Variants in SEL1L2 observed in about 807,000 individuals in gnomAD.
The protein encoded by SEL1L2 is SEL1L2 adaptor subunit of SYVN1 ubiquitin ligase.
A neutral mutation model predicts 98.8 loss-of-function variants in SEL1L2; 89 were observed. The ratio of observed to expected loss-of-function variants is 0.90; its 90% CI spans 0.76 to 1.07. The LOEUF is 1.07. SEL1L2 is among the 50% of genes least tolerant of loss of function. The pLI, the probability that SEL1L2 is intolerant of heterozygous loss-of-function variation, is 0.00. For missense variants in SEL1L2, 788 were observed against 812.0 expected, an observed-to-expected ratio of 0.97 and a Z score of 0.36; for synonymous variants, 262 against 278.5, an observed-to-expected ratio of 0.94 and a Z score of 0.59.
At chr20:13,989,751 T>C (rs2052447728) in intron 1 of SEL1L2, among the ~76,000 whole-genome samples, 1 of 152,250 alleles carries the variant, frequency 6.6e-6, no homozygotes, top group African/African-American at 2.4e-5. Context: ...GATGTGATTG[T>C]TACATTGATT....
intron 5 of SEL1L2, among the ~76,000 whole-genome samples, chr20:13,906,319 A>G (rs1311865608): frequency 6.6e-6 from 1 of 152,226 alleles, no homozygotes; most frequent in Non-Finnish European, 1.5e-5. Context: ...GTTCCATAAT[A>G]ACAATTTAAA....
At chr20:13,878,574 A>G (rs1016659274) in intron 10 of SEL1L2, among the ~76,000 whole-genome samples, 5 of 152,208 alleles carry the variant, frequency 3.3e-5, no homozygotes, top group Admixed American at 6.5e-5. Context: ...CAAAGAGAAG[A>G]GAATGTTTAA....
intron 5 of SEL1L2, among the ~76,000 whole-genome samples, chr20:13,898,848 T>C (rs2047536033): frequency 1.3e-5 from 2 of 152,164 alleles, no homozygotes; most frequent in Admixed American, 1.3e-4. Context: ...GTTCAAGAGA[T>C]TCTCCTGCCT....
rs1208643262 is a variant in SEL1L2 at position 13,866,842 on chromosome 20, C to T, written c.1264G>A (p.Gly422Arg). Residue 422 changes from glycine (G) to arginine (R), a missense_variant, in exon 15 of 20, where the codon GGA becomes AGA. By Grantham distance (125) the Gly-to-Arg change is moderately radical. Transcript: ENST00000284951. ...QLGFMYYSGS[G>R]IWKDYKLAFK... ...GCAAGTTTATAATCCTTCCATATTC[C>T]AGAGCCAGCTGAAAATTAAAATTGT... 2.5e-6 allele frequency: 4 copies of T among 1,603,754 alleles called. No individual in the cohort carries two copies. The highest frequency in any genetic ancestry group is 2.5e-6 in the Non-Finnish European group (3 of 1,176,776).
intron 5 of SEL1L2, among the ~76,000 whole-genome samples, chr20:13,908,940 T>G (rs1472994494): frequency 1.3e-5 from 2 of 151,756 alleles, no homozygotes. Context: ...CAATGTCACT[T>G]TAATAGGAAT....
intron 1 of SEL1L2, among the ~76,000 whole-genome samples, chr20:13,971,537 C>T (rs1244216030): frequency 6.6e-6 from 1 of 152,086 alleles, no homozygotes; most frequent in Non-Finnish European, 1.5e-5. Flanking sequence ...GCAATCCTCC[C>T]ACCTCAGCCT....
intron 2 of SEL1L2, among the ~76,000 whole-genome samples, chr20:13,946,346 T>G (rs1247903424): frequency 6.6e-6 from 1 of 151,750 alleles, no homozygotes; most frequent in African/African-American, 2.4e-5. Context: ...ATACTACAAA[T>G]GAAGAAGCCA....
At chr20:13,951,296 A>G (rs111523363) in intron 2 of SEL1L2, among the ~76,000 whole-genome samples, 527 of 12,386 alleles carry the variant, frequency 0.043, 6 homozygotes, top group Admixed American at 0.11. Flanking sequence ...AAAAAAAAAA[A>G]AAAGAAAGAA....
At chr20:13,909,676 T>C (rs2048130284) in intron 5 of SEL1L2, among the ~76,000 whole-genome samples, 1 of 152,124 alleles carries the variant, frequency 6.6e-6, no homozygotes, top group African/African-American at 2.4e-5. Flanking sequence ...TATCATAGTA[T>C]TTTAGTATTT....
In SEL1L2 at chr20:13,953,937, G is replaced by T. The variant is rs1351812479; in HGVS notation, c.114+2139C>A. On this transcript the variant is annotated intron_variant, in intron 2 of 19. Transcript: ENST00000284951. Reference sequence around the variant, plus strand: ...CCGATGGTACATTACATACCTGGGGGTTTATTACCTCTGTAATCAGGATCA... The same window carrying T: ...CCGATGGTACATTACATACCTGGGGTTTTATTACCTCTGTAATCAGGATCA... Among the ~76,000 whole-genome samples, 12 of 152,180 alleles carry T rather than the reference G, an allele frequency of 7.9e-5. No individual in the cohort carries two copies. In the East Asian group the frequency reaches 2.3e-3, roughly 29 times the overall value.
chr20:13,915,793 A>G (rs2048377152), intron 4 of SEL1L2, among the ~76,000 whole-genome samples: 1 of 152,180 alleles, frequency 6.6e-6, no homozygotes, highest in African/African-American at 2.4e-5. Context: ...TGTGGGCTGC[A>G]ATCCCCAAAA....
intron 5 of SEL1L2, among the ~76,000 whole-genome samples, chr20:13,905,536 G>A (rs1327591006): frequency 2.0e-5 from 3 of 151,920 alleles, no homozygotes; most frequent in South Asian, 2.1e-4. Flanking sequence ...GAATGGTCTC[G>A]ATCTCCTGAC....
chr20:13,884,911 T>G (rs933816486), intron 10 of SEL1L2, among the ~76,000 whole-genome samples: 1 of 152,212 alleles, frequency 6.6e-6, no homozygotes, highest in African/African-American at 2.4e-5. Flanking sequence ...TTTAATTATA[T>G]TAAAAGCAAT....
chr20:13,907,734 C>CTT (rs375273194), intron 5 of SEL1L2, among the ~76,000 whole-genome samples: 7 of 109,456 alleles, frequency 6.4e-5, no homozygotes, highest in African/African-American at 1.1e-4. Context: ...TTCTTTCTTT[C>CTT]TTTCTTTCTT....
rs540910019 is a variant in SEL1L2 at position 13,985,875 on chromosome 20, T to C, written c.58+4602A>G. Among the ~76,000 whole-genome samples, 47 of 152,340 alleles carry C rather than the reference T, an allele frequency of 3.1e-4. 1 individual carries two copies. In the South Asian group the frequency reaches 9.5e-3, roughly 31 times the overall value. On this transcript the variant is annotated intron_variant, in intron 1 of 19. Transcript: ENST00000284951. ...TTTCAGTCTCTGTGCATTTGCTTATTATGGACATTTCATACCTAGGAAGTC... is the reference window on the plus strand; with the variant it reads ...TTTCAGTCTCTGTGCATTTGCTTATCATGGACATTTCATACCTAGGAAGTC...
At chr20:13,850,423 T>C (rs1323440289) in intron 18 of SEL1L2, 104 bp from the exon 19 acceptor site, 37 of 1,258,518 alleles carry the variant, frequency 2.9e-5, no homozygotes, top group Admixed American at 2.2e-4. Flanking sequence ...GGTCTTAAGA[T>C]AGGGAGATTA....
chr20:13,866,055 CA>C (rs1990982020), intron 15 of SEL1L2, among the ~76,000 whole-genome samples: 1 of 152,076 alleles, frequency 6.6e-6, no homozygotes, highest in Admixed American at 6.6e-5. Context: ...AGAGGTTAGC[CA>C]TACATAATTC....
At chr20:13,860,635 C>CT (rs1056289356) in intron 17 of SEL1L2, among the ~76,000 whole-genome samples, 35 of 152,224 alleles carry the variant, frequency 2.3e-4, no homozygotes, top group South Asian at 4.2e-4. Flanking sequence ...CTCCCAACTC[C>CT]TTTTTTTCTC....
chr20:13,955,552 T>C (rs1177058766), intron 2 of SEL1L2, among the ~76,000 whole-genome samples: 1 of 152,174 alleles, frequency 6.6e-6, no homozygotes, highest in Admixed American at 6.5e-5. Flanking sequence ...TAGAGCCTAA[T>C]AAGCAAGCCA....
Sources: allele counts gnomAD v4.1 joint callset (sites outside exome capture counted in the v4.1 genomes callset), GRCh38; gene constraint gnomAD v4.1.1; transcripts MANE v1.5; gene names NCBI Gene and HGNC (gene_info 2026-07-23, HGNC 2026-07-21).